The following DOK5 variants were observed in gnomAD, a reference collection of about 807,000 sequenced individuals.
DOK5 encodes docking protein 5, also known as downstream of tyrosine kinase 5.
In DOK5, 27 loss-of-function variants were observed where a neutral mutation model predicts 43.3. That is an observed-to-expected ratio of 0.62 (90% CI 0.46 to 0.86). The LOEUF (loss-of-function observed/expected upper bound fraction) is 0.86. Ranked by LOEUF, DOK5 falls within the 40% of genes least tolerant of loss-of-function variation. The pLI, the probability that DOK5 is intolerant of heterozygous loss-of-function variation, is 0.00. For synonymous variants in DOK5, 146 were observed against 140.1 expected (o/e 1.04, Z -0.30); for missense variants, 373 against 392.9 (o/e 0.95, Z 0.43).
chr20:54,645,491 C>G (rs904959999), intron 7 of DOK5, among the ~76,000 whole-genome samples: 1 of 152,056 alleles, frequency 6.6e-6, no homozygotes, highest in African/African-American at 2.4e-5. Flanking sequence ...TGCTGTTGGT[C>G]CTTTCTCCCC....
chr20:54,518,886 G>A (rs928042917), intron 1 of DOK5, among the ~76,000 whole-genome samples: 1 of 152,176 alleles, frequency 6.6e-6, no homozygotes, highest in East Asian at 1.9e-4. Flanking sequence ...ATCAACAAGT[G>A]GGCGAAGGTT....
intron 1 of DOK5, among the ~76,000 whole-genome samples, chr20:54,484,695 T>G (rs921648291): frequency 6.6e-6 from 1 of 152,188 alleles, no homozygotes; most frequent in African/African-American, 2.4e-5. Flanking sequence ...GTTTTCCTTT[T>G]GTCATTTTGT....
chr20:54,500,195 G>A (rs933576895), intron 1 of DOK5, among the ~76,000 whole-genome samples: 2 of 152,140 alleles, frequency 1.3e-5, no homozygotes, highest in African/African-American at 4.8e-5. Context: ...GATGCAGCAG[G>A]GGTTTGAGCA....
intron 1 of DOK5, among the ~76,000 whole-genome samples, chr20:54,531,657 T>A (rs1432809469): frequency 6.6e-6 from 1 of 152,222 alleles, no homozygotes; most frequent in East Asian, 1.9e-4. Flanking sequence ...ACTTTCTTCA[T>A]ATCCTTTGAA....
At chr20:54,612,133 T>G (rs1986670054) in intron 6 of DOK5, among the ~76,000 whole-genome samples, 1 of 152,260 alleles carries the variant, frequency 6.6e-6, no homozygotes, top group South Asian at 2.1e-4. Context: ...CTGTTGATTT[T>G]CTCTCAACCA....
chr20:54,557,351 G>T (rs1054728300), intron 2 of DOK5, among the ~76,000 whole-genome samples: 8 of 152,172 alleles, frequency 5.3e-5, no homozygotes, highest in African/African-American at 1.9e-4. Context: ...CTCATAAGGA[G>T]CAGGCAACCT....
At chr20:54,572,398 G>A (rs555102652) in intron 2 of DOK5, among the ~76,000 whole-genome samples, 2 of 152,098 alleles carry the variant, frequency 1.3e-5, no homozygotes, top group South Asian at 2.1e-4. Context: ...TCCTGACCTC[G>A]TGATCAGCCC....
At chr20:54,593,271 A>G (rs952517488) in intron 5 of DOK5, among the ~76,000 whole-genome samples, 4 of 151,840 alleles carry the variant, frequency 2.6e-5, no homozygotes, top group African/African-American at 9.7e-5. Flanking sequence ...AAAAAAAAAA[A>G]AATTACATTT....
intron 6 of DOK5, among the ~76,000 whole-genome samples, chr20:54,619,546 C>G (rs1307128605): frequency 6.6e-6 from 1 of 152,158 alleles, no homozygotes; most frequent in South Asian, 2.1e-4. Flanking sequence ...TTTCCAGGGG[C>G]TCCGGGTGGG....
intron 1 of DOK5, among the ~76,000 whole-genome samples, chr20:54,503,962 G>C (rs531010899): frequency 3.9e-5 from 6 of 152,324 alleles, no homozygotes; most frequent in African/African-American, 1.4e-4. Context: ...GTGCTTGGCC[G>C]AGGTTTCTGA....
At chr20:54,625,493 A>G (rs1304182769) in intron 6 of DOK5, among the ~76,000 whole-genome samples, 1 of 152,178 alleles carries the variant, frequency 6.6e-6, no homozygotes, top group Non-Finnish European at 1.5e-5. Flanking sequence ...GGATCTGTAT[A>G]ATACTCTCAG....
At chr20:54,589,867 A>G (rs1391500921) in intron 4 of DOK5, among the ~76,000 whole-genome samples, 1 of 152,166 alleles carries the variant, frequency 6.6e-6, no homozygotes, top group African/African-American at 2.4e-5. Flanking sequence ...CGAGACCTAG[A>G]AGCCCTGGGT....
chr20:54,620,068 G>C (rs902356740), intron 6 of DOK5, among the ~76,000 whole-genome samples: 2 of 152,140 alleles, frequency 1.3e-5, no homozygotes, highest in Admixed American at 1.3e-4. Context: ...AAAATGTGCT[G>C]CTTAAAGCAA....
intron 2 of DOK5, among the ~76,000 whole-genome samples, chr20:54,584,111 A>T (rs61047557): frequency 0.22 from 33,636 of 151,810 alleles, 7,973 homozygotes; most frequent in African/African-American, 0.6. Context: ...ACCACTGTGC[A>T]CAAGCCTGGG....
chr20:54,603,268 C>A (rs1986354835), intron 5 of DOK5, among the ~76,000 whole-genome samples: 2 of 152,172 alleles, frequency 1.3e-5, no homozygotes, highest in Non-Finnish European at 2.9e-5. Flanking sequence ...GCTAGGAAAA[C>A]AATTGCAGTA....
At chr20:54,600,104 A>G (rs1416052065) in intron 5 of DOK5, among the ~76,000 whole-genome samples, 1 of 152,178 alleles carries the variant, frequency 6.6e-6, no homozygotes, top group Non-Finnish European at 1.5e-5. Flanking sequence ...GGGGAAGAGC[A>G]TTCCTTCCAG....
At chr20:54,505,321 G>A (rs575148388) in intron 1 of DOK5, among the ~76,000 whole-genome samples, 2 of 152,014 alleles carry the variant, frequency 1.3e-5, no homozygotes, top group Non-Finnish European at 2.9e-5. Flanking sequence ...GTAATCTGTG[G>A]CTGTTTGCAC....
intron 1 of DOK5, among the ~76,000 whole-genome samples, chr20:54,537,926 C>A (rs1984014352): frequency 6.8e-6 from 1 of 147,696 alleles, no homozygotes; most frequent in Non-Finnish European, 1.5e-5. Flanking sequence ...GCAACCTCTG[C>A]ATCCTGGGTT....
At chr20:54,580,859 A>G (rs1296001985) in intron 2 of DOK5, among the ~76,000 whole-genome samples, 1 of 151,756 alleles carries the variant, frequency 6.6e-6, no homozygotes, top group African/African-American at 2.4e-5. Context: ...TTTCTTTTCT[A>G]TGTATAAACT....
Sources: gnomAD v4.1 joint callset for allele counts (sites outside exome capture counted in the v4.1 genomes callset) on GRCh38, gnomAD v4.1.1 for gene constraint, MANE v1.5 for transcripts, NCBI Gene and HGNC (gene_info 2026-07-23, HGNC 2026-07-21) for gene names.